XKR4: variants seen among roughly 807,000 people sequenced by gnomAD.
XKR4 encodes XK related 4, also known as XK-related protein 4.
Under a neutral mutation model 53.9 loss-of-function variants are expected in XKR4, and 12 were observed. That is an observed-to-expected ratio of 0.22 (90% CI 0.14 to 0.36). The LOEUF is 0.36. XKR4 is among the 10% of genes least tolerant of loss of function. The pLI, the probability that XKR4 is intolerant of heterozygous loss-of-function variation, is 1.00. For missense variants in XKR4, 799 were observed against 859.5 expected (o/e 0.93, Z 0.88); for synonymous variants, 354 against 362.4 (o/e 0.98, Z 0.26).
At chr8:55,483,627 AG>A (rs1431955080) in intron 2 of XKR4, among the ~76,000 whole-genome samples, 2 of 152,154 alleles carry the variant, frequency 1.3e-5, no homozygotes, top group African/African-American at 2.4e-5. Flanking sequence ...TGAAGTCTCA[AG>A]GGAAACTTTT....
chr8:55,123,196 A>G (rs1816415925), intron 1 of XKR4, among the ~76,000 whole-genome samples: 1 of 152,216 alleles, frequency 6.6e-6, no homozygotes, highest in African/African-American at 2.4e-5. Context: ...AGCATGTGGT[A>G]TGGTATATGG....
chr8:55,230,419 G>T (rs1483877954), intron 1 of XKR4, among the ~76,000 whole-genome samples: 1 of 148,596 alleles, frequency 6.7e-6, no homozygotes, highest in Non-Finnish European at 1.5e-5. Context: ...CTTGAGTGCA[G>T]TGGTGCAAGC....
chr8:55,451,048 TG>T, intron 2 of XKR4: 1 of 539,028 alleles, frequency 1.9e-6, no homozygotes. Flanking sequence ...AATACCTTAA[TG>T]GGCACCAGCT....
intron 1 of XKR4, among the ~76,000 whole-genome samples, chr8:55,351,862 T>C (rs1199682365): frequency 6.6e-6 from 1 of 152,236 alleles, no homozygotes; most frequent in African/African-American, 2.4e-5. Flanking sequence ...GATTCCCTAC[T>C]TTTCCATTCA....
chr8:55,346,888 G>A (rs1440377738), intron 1 of XKR4, among the ~76,000 whole-genome samples: 1 of 152,060 alleles, frequency 6.6e-6, no homozygotes, highest in African/African-American at 2.4e-5. Context: ...ATGTACAAAA[G>A]ATAGCAAAAT....
intron 1 of XKR4, among the ~76,000 whole-genome samples, chr8:55,288,444 A>G (rs879722039): frequency 2.6e-5 from 4 of 152,230 alleles, no homozygotes; most frequent in South Asian, 2.1e-4. Flanking sequence ...AGCTTCTACA[A>G]TGGCTCCTGA....
intron 1 of XKR4, among the ~76,000 whole-genome samples, chr8:55,292,120 A>T (rs1189632967): frequency 6.6e-6 from 1 of 151,970 alleles, no homozygotes; most frequent in Admixed American, 6.6e-5. Context: ...TTCATGAGGG[A>T]TGTTGGCCTA....
rs1267343716 is a variant in XKR4, at chr8:55,444,855, T to TAC, written c.1007-78418_1007-78417dup. Reference sequence around the variant, plus strand: ...CTATGCATATGCACTAGAGAATTCTTACACACACATCACTATATAAATACA... The same window carrying TAC: ...CTATGCATATGCACTAGAGAATTCTTACACACACACATCACTATATAAATACA... On this transcript the variant is annotated intron_variant, in intron 2 of 2. Transcript: ENST00000327381. 3.9e-5 allele frequency among the ~76,000 whole-genome samples: 6 copies of TAC among 152,340 alleles called. No homozygotes were observed. In the South Asian group the frequency reaches 1.0e-3, roughly 26 times the overall value.
At chr8:55,134,728 C>G (rs1816600710) in intron 1 of XKR4, among the ~76,000 whole-genome samples, 1 of 152,190 alleles carries the variant, frequency 6.6e-6, no homozygotes. Context: ...GTAACCCTGC[C>G]TTGGTGGGCT....
At chr8:55,478,200 T>G (rs536474239) in intron 2 of XKR4, among the ~76,000 whole-genome samples, 21 of 152,254 alleles carry the variant, frequency 1.4e-4, no homozygotes, top group South Asian at 6.2e-4. Context: ...ACAGCGGATC[T>G]CTTGGCAGAA....
intron 1 of XKR4, among the ~76,000 whole-genome samples, chr8:55,306,018 G>C (rs1819293789): frequency 6.6e-6 from 1 of 152,162 alleles, no homozygotes; most frequent in South Asian, 2.1e-4. Flanking sequence ...CTAACAAAAG[G>C]GGCTGAAGGG....
intron 2 of XKR4, among the ~76,000 whole-genome samples, chr8:55,447,602 G>A (rs935522770): frequency 2.6e-5 from 4 of 152,174 alleles, no homozygotes; most frequent in African/African-American, 9.7e-5. Context: ...AGTTTGTGGA[G>A]TACCATGAAA....
chr8:55,123,044 G>A (rs1276638492), intron 1 of XKR4, among the ~76,000 whole-genome samples: 1 of 152,160 alleles, frequency 6.6e-6, no homozygotes, highest in Non-Finnish European at 1.5e-5. Flanking sequence ...TCCACTTACT[G>A]TGGAACAGGG....
chr8:55,453,649 G>A (rs1034387936), intron 2 of XKR4: 25 of 421,576 alleles, frequency 5.9e-5, no homozygotes, highest in African/African-American at 1.0e-4. Flanking sequence ...ACTGCATGGC[G>A]CCCTCATCCA....
At position 55,525,701 on chromosome 8, in the gene XKR4, T is replaced by A. The variant is rs1329643065; in HGVS notation, c.*1474T>A. 6.6e-6 allele frequency: 1 copy of A among 152,536 alleles called. No individual in the cohort carries two copies. Among genetic ancestry groups the A allele is most frequent in the African/African-American group, 2.4e-5 (1 of 41,404 alleles). 9.4% of individuals were successfully genotyped at this position (152,536 alleles called of 1,614,324 possible). A position where few individuals can be genotyped will look rare whatever the true frequency, so the allele number is the denominator to read the frequency against. ...GTATTTTTTTATAGTTGGTGCAGAG[T>A]GGAATAACTCATGGATTATTTCAAT... On this transcript the variant is annotated 3_prime_UTR_variant, in exon 3 of 3. Coordinates refer to ENST00000327381, the MANE Select transcript of XKR4 (RefSeq NM_052898.2).
chr8:55,427,873 T>C (rs1487688001), intron 2 of XKR4, among the ~76,000 whole-genome samples: 1 of 152,230 alleles, frequency 6.6e-6, no homozygotes, highest in Non-Finnish European at 1.5e-5. Context: ...CACCACTCTC[T>C]TATAGTTTAT....
chr8:55,289,669 A>AAAAGAAAGAGAAAGAAAG, intron 1 of XKR4, among the ~76,000 whole-genome samples: 1 of 74,182 alleles, frequency 1.3e-5, no homozygotes, highest in African/African-American at 3.4e-5. Flanking sequence ...AAAAGAAAAG[A>AAAAGAAAGAGAAAGAAAG]AAAGAAAGAG....
At chr8:55,266,988 G>A (rs13264367) in intron 1 of XKR4, among the ~76,000 whole-genome samples, 113,128 of 152,052 alleles carry the variant, frequency 0.74, 45,659 homozygotes, top group Non-Finnish European at 0.91. Flanking sequence ...CTCCCATTAT[G>A]CAATGACAAG....
intron 1 of XKR4, among the ~76,000 whole-genome samples, chr8:55,206,746 T>A (rs1394483488): frequency 1.3e-5 from 2 of 152,236 alleles, no homozygotes; most frequent in African/African-American, 4.8e-5. Context: ...AATTTTTGGT[T>A]AAAAATATGC....
Sources: gnomAD v4.1 joint callset for allele counts (sites outside exome capture counted in the v4.1 genomes callset) on GRCh38, gnomAD v4.1.1 for gene constraint, MANE v1.5 for transcripts, NCBI Gene and HGNC (gene_info 2026-07-23, HGNC 2026-07-21) for gene names.